Variants in CAPN14 observed in about 807,000 individuals in gnomAD.
CAPN14 encodes the protein calpain-14.
CAPN14 carries 94 observed loss-of-function variants against 101.3 expected under a neutral mutation model. That is an observed-to-expected ratio of 0.93 (90% confidence interval 0.79 to 1.10). The LOEUF is 1.10. Among genes scored for constraint, CAPN14 ranks in the 50% least tolerant of loss-of-function variants. The pLI is 0.00. For synonymous variants in CAPN14, 338 were observed against 317.9 expected (o/e 1.06, Z -0.67); for missense variants, 837 against 828.4 (o/e 1.01, Z -0.13).
upstream of CAPN14, among the ~76,000 whole-genome samples, chr2:31,222,092 C>G (rs1176298287): frequency 6.6e-6 from 1 of 152,174 alleles, no homozygotes; most frequent in Non-Finnish European, 1.5e-5. Context: ...AAATAACACA[C>G]TTTTATGGAG....
At chr2:31,201,107 A>ATGTG (rs1255852378) in intron 5 of CAPN14, among the ~76,000 whole-genome samples, 30,254 of 150,056 alleles carry the variant, frequency 0.2, 3,333 homozygotes, top group East Asian at 0.37. Context: ...GTGTGTGTGC[A>ATGTG]TGTGCGTGTG....
intron 1 of CAPN14, among the ~76,000 whole-genome samples, chr2:31,207,441 T>C (rs1440270862): frequency 3.3e-5 from 5 of 152,224 alleles, no homozygotes; most frequent in African/African-American, 7.2e-5. Context: ...AAACATAACA[T>C]TTTAAAAGAT....
At chr2:31,221,392 AT>A (rs981937448), upstream of CAPN14, among the ~76,000 whole-genome samples, 16 of 152,166 alleles carry the variant, frequency 1.1e-4, no homozygotes, top group African/African-American at 3.9e-4. Flanking sequence ...CTCTATTTTA[AT>A]TGTGTACTTG....
chr2:31,203,217 T>C, intron 2 of CAPN14, 78 bp from the exon 3 acceptor site: 2 of 1,162,078 alleles, frequency 1.7e-6, no homozygotes, highest in Non-Finnish European at 2.5e-6. Flanking sequence ...CGTTTTCCCA[T>C]ACCCCAAAAC....
upstream of CAPN14, among the ~76,000 whole-genome samples, chr2:31,219,249 T>C (rs1382962953): frequency 6.6e-6 from 1 of 151,070 alleles, no homozygotes; most frequent in Non-Finnish European, 1.5e-5. Flanking sequence ...CCGTGACAAC[T>C]CTTGAAAGTT....
At chr2:31,182,966 T>C (rs901385323) in intron 16 of CAPN14, among the ~76,000 whole-genome samples, 33 of 152,012 alleles carry the variant, frequency 2.2e-4, no homozygotes, top group Non-Finnish European at 5.9e-5. Flanking sequence ...CAAAACAGCA[T>C]GGTACTGGAA....
At chr2:31,220,697 C>G (rs1682837580), upstream of CAPN14, among the ~76,000 whole-genome samples, 1 of 152,172 alleles carries the variant, frequency 6.6e-6, no homozygotes, top group Non-Finnish European at 1.5e-5. Flanking sequence ...GGTGTGGTGG[C>G]ACACATCTGT....
At chr2:31,217,952 T>C (rs1027206023), upstream of CAPN14, among the ~76,000 whole-genome samples, 1 of 152,050 alleles carries the variant, frequency 6.6e-6, no homozygotes, top group African/African-American at 2.4e-5. Context: ...TGGCTGTGGG[T>C]TTTCTTTTAT....
chr2:31,220,794 C>G (rs1341114343), upstream of CAPN14, among the ~76,000 whole-genome samples: 2 of 152,168 alleles, frequency 1.3e-5, no homozygotes, highest in African/African-American at 4.8e-5. Context: ...ACGCCACTAA[C>G]TGACAAGTCA....
chr2:31,178,610 G>A, intron 17 of CAPN14, 31 bp from the exon 18 acceptor site: 1 of 1,425,116 alleles, frequency 7.0e-7, no homozygotes, highest in Non-Finnish European at 9.4e-7. Flanking sequence ...AAAGCTTCCA[G>A]GGAGAGTTCT....
intron 1 of CAPN14, among the ~76,000 whole-genome samples, chr2:31,227,585 G>A (rs914917707): frequency 6.6e-6 from 1 of 152,134 alleles, no homozygotes; most frequent in Non-Finnish European, 1.5e-5. Context: ...GACCTACATT[G>A]TTTCATTTTA....
intron 8 of CAPN14, among the ~76,000 whole-genome samples, chr2:31,195,598 A>G (rs1681432219): frequency 6.6e-6 from 1 of 152,140 alleles, no homozygotes; most frequent in Non-Finnish European, 1.5e-5. Flanking sequence ...CGACCTCCCA[A>G]AGTGCTGGGA....
Position 31,230,978 on chromosome 2 carries a change from T to C in CAPN14, c.-177+2813A>G, listed in dbSNP as rs918668483. Among the ~76,000 whole-genome samples, 7 of 152,224 alleles carry C rather than the reference T, an allele frequency of 4.6e-5. No individual in the cohort carries two copies. Among genetic ancestry groups the C allele is most frequent in the African/African-American group, 1.7e-4 (7 of 41,456 alleles). On this transcript the variant is annotated intron_variant and NMD_transcript_variant, in intron 1 of 21. Coordinates refer to the CAPN14 transcript ENST00000398824. This position sits in a 1 kb window ranked among gnomAD's most constrained non-coding sequence, Gnocchi z 4.3. ...AATTTCCTGGCTATTTACTGTGTTG[T>C]TATTCTGTTGGTCTCTGTGCCAAAA...
chr2:31,200,901 A>G (rs1196681538), intron 5 of CAPN14, among the ~76,000 whole-genome samples: 1 of 152,170 alleles, frequency 6.6e-6, no homozygotes, highest in East Asian at 1.9e-4. Context: ...CGTTTGCCTG[A>G]GAACTTAGTG....
Position 31,178,379 on chromosome 2 carries a change from G to A in CAPN14, c.1779+132C>T, listed in dbSNP as rs187792904. The A allele has an allele frequency of 5.0e-5, 35 of 702,564 alleles. 1 individual carries two copies. The highest frequency in any genetic ancestry group is 2.0e-4 in the East Asian group (7 of 35,654). 43.5% of individuals were successfully genotyped at this position (702,564 alleles called of 1,614,324 possible). ...GAGACCAATAGAGGAAATGCTCACCGAAGGGAGAATAGAGAAGGTTTGGTG... is the reference window on the plus strand; with the variant it reads ...GAGACCAATAGAGGAAATGCTCACCAAAGGGAGAATAGAGAAGGTTTGGTG... On this transcript the variant is annotated intron_variant, in intron 18 of 21. Transcript: ENST00000403897.
chr2:31,188,651 G>A (rs1681028892), intron 13 of CAPN14, among the ~76,000 whole-genome samples: 1 of 152,126 alleles, frequency 6.6e-6, no homozygotes, highest in African/African-American at 2.4e-5. Flanking sequence ...AACTACCTGT[G>A]GCCGAGACAT....
upstream of CAPN14, among the ~76,000 whole-genome samples, chr2:31,218,696 C>T (rs1459521210): frequency 2.0e-5 from 3 of 152,174 alleles, no homozygotes; most frequent in Admixed American, 1.3e-4. Flanking sequence ...AACGGAGGCA[C>T]AGCATGGCAA....
At chr2:31,223,809 T>C (rs1012298861) in intron 2 of CAPN14, among the ~76,000 whole-genome samples, 15 of 152,152 alleles carry the variant, frequency 9.9e-5, no homozygotes, top group Non-Finnish European at 2.1e-4. Flanking sequence ...ATTACAGGCA[T>C]GAGCCACCAA....
At position 31,178,535 on chromosome 2, in the gene CAPN14, C is replaced by A. The variant is rs1193045240; in HGVS notation, c.1755G>T (p.Leu585=). 1.9e-6 allele frequency: 3 copies of A among 1,549,990 alleles called. No homozygotes were observed. In the South Asian group the frequency reaches 3.6e-5, roughly 18 times the overall value. The change falls in exon 18 of 22, where the codon CTG becomes CTT. Residue 585 remains leucine (L), a synonymous_variant. Transcript: ENST00000403897. The stretch of plus-strand genomic sequence containing the variant: ...CCTGAGAGAGCTTCAGCTGCTTCCA[C>A]AGGTCCCTGAATTCCTGGATGCTCA... The part of the protein sequence containing the change: ...GTMSIQEFRD[L]WKQLKLSQKV...
Sources: gnomAD v4.1 joint callset for allele counts (sites outside exome capture counted in the v4.1 genomes callset) on GRCh38, gnomAD v4.1.1 for gene constraint, Gnocchi (gnomAD v3.1) non-coding constraint, MANE v1.5 for transcripts, NCBI Gene and HGNC (gene_info 2026-07-23, HGNC 2026-07-21) for gene names.